The following CTCF variants were observed in gnomAD, a reference collection of about 807,000 sequenced individuals.
The protein encoded by CTCF is CCCTC-binding factor.
Under a neutral mutation model 72.3 loss-of-function variants are expected in CTCF, and 7 were observed. That is an observed-to-expected ratio of 0.10 (90% confidence interval 0.06 to 0.18). CTCF has a LOEUF of 0.18. CTCF is among the 10% of genes least tolerant of loss of function. CTCF has a pLI of 1.00. For missense variants in CTCF, 516 were observed against 949.1 expected (o/e 0.54, Z 6.00); for synonymous variants, 374 against 315.8 (o/e 1.18, Z -1.95).
At chr16:67,576,550 G>GTT (rs35771667) in intron 2 of CTCF, among the ~76,000 whole-genome samples, 2,135 of 108,184 alleles carry the variant, frequency 0.02, 130 homozygotes, top group African/African-American at 0.044. Context: ...ATAATAGAAT[G>GTT]TTTTTTTTTT....
chr16:67,583,141 C>T (rs1456343160), intron 2 of CTCF, among the ~76,000 whole-genome samples: 3 of 151,708 alleles, frequency 2.0e-5, no homozygotes, highest in South Asian at 2.1e-4. Flanking sequence ...CCAACTACCA[C>T]GCCTGGCTAA....
chr16:67,619,821 C>T (rs938446022), intron 5 of CTCF, among the ~76,000 whole-genome samples: 1 of 152,038 alleles, frequency 6.6e-6, no homozygotes, highest in Non-Finnish European at 1.5e-5. Flanking sequence ...TGACCTCAAG[C>T]AATCGCACGC....
intron 2 of CTCF, among the ~76,000 whole-genome samples, chr16:67,592,418 A>T (rs1465238483): frequency 1.3e-5 from 2 of 151,948 alleles, no homozygotes; most frequent in East Asian, 1.9e-4. Flanking sequence ...CTAAAAAAAT[A>T]AATAAGGCCA....
chr16:67,633,814 A>ACTCTCACT (rs1555536502), intron 10 of CTCF, among the ~76,000 whole-genome samples: 1 of 147,976 alleles, frequency 6.8e-6, no homozygotes, highest in Non-Finnish European at 1.5e-5. Context: ...ACACACACAC[A>ACTCTCACT]CTCTCACTCA....
At chr16:67,574,993 C>G (rs1280523710) in intron 2 of CTCF, among the ~76,000 whole-genome samples, 1 of 152,186 alleles carries the variant, frequency 6.6e-6, no homozygotes, top group East Asian at 1.9e-4. Flanking sequence ...TTTACAATTA[C>G]TAAGTATTGT....
rs140290761 is a variant in CTCF, at chr16:67,629,814, G to A, written c.1837+281G>A. The stretch of plus-strand genomic sequence containing the variant: ...TTTTGAGACGGAGTCTCGCTCTGTC[G>A]CCCAGGCTGGAGTGCACTGGCGCGA... On this transcript the variant is annotated intron_variant, in intron 10 of 11. Transcript: ENST00000264010. Among the ~76,000 whole-genome samples the A allele has an allele frequency of 0.053, 5,808 of 109,452 alleles. 444 individuals are homozygous for A. Among genetic ancestry groups the A allele is most frequent in the African/African-American group, 0.18 (5,123 of 29,116 alleles). 71.8% of individuals were successfully genotyped at this position (109,452 alleles called of 152,430 possible). A position where few individuals can be genotyped will look rare whatever the true frequency, so the allele number is the denominator to read the frequency against.
At chr16:67,572,195 TC>T (rs1230813136) in intron 2 of CTCF, among the ~76,000 whole-genome samples, 1 of 152,174 alleles carries the variant, frequency 6.6e-6, no homozygotes, top group Non-Finnish European at 1.5e-5. Flanking sequence ...CTGTTATTCT[TC>T]AAACCTTTAT....
At chr16:67,634,614 C>T (rs1342364829) in intron 10 of CTCF, among the ~76,000 whole-genome samples, 1 of 150,290 alleles carries the variant, frequency 6.7e-6, no homozygotes, top group Non-Finnish European at 1.5e-5. Flanking sequence ...ACCTCCCTGG[C>T]TTAAGCAGGC....
chr16:67,599,382 G>A (rs777389853), intron 2 of CTCF, among the ~76,000 whole-genome samples: 1 of 152,108 alleles, frequency 6.6e-6, no homozygotes, highest in Non-Finnish European at 1.5e-5. Flanking sequence ...GCAACAGAAC[G>A]AGAATCTGTC....
chr16:67,631,139 T>C (rs966590543), intron 10 of CTCF, among the ~76,000 whole-genome samples: 6 of 151,614 alleles, frequency 4.0e-5, no homozygotes, highest in Non-Finnish European at 8.8e-5. Context: ...ATTGGGCTTT[T>C]TTTGTTCTTT....
intron 2 of CTCF, among the ~76,000 whole-genome samples, chr16:67,586,803 G>T (rs1213237086): frequency 2.0e-5 from 3 of 151,420 alleles, no homozygotes; most frequent in South Asian, 2.1e-4. Flanking sequence ...GTTGTTTTGG[G>T]TTTTTTTTGA....
intron 2 of CTCF, among the ~76,000 whole-genome samples, chr16:67,610,398 G>A (rs2052046382): frequency 2.3e-5 from 3 of 128,760 alleles, no homozygotes; most frequent in South Asian, 2.7e-4. Flanking sequence ...TGTCCCCCAC[G>A]CTGGAGCGCA....
intron 8 of CTCF, 76 bp downstream of exon 8, chr16:67,626,791 C>A: frequency 1.9e-6 from 2 of 1,072,588 alleles, no homozygotes; most frequent in Non-Finnish European, 2.5e-6. Flanking sequence ...ATATCTAGTA[C>A]AGTGGCTGTT....
intron 4 of CTCF, 106 bp from the exon 5 acceptor site, chr16:67,616,639 G>T: frequency 1.5e-6 from 2 of 1,292,548 alleles, no homozygotes; most frequent in Non-Finnish European, 2.2e-6. Context: ...GCAGTTGATG[G>T]GATGAATAGG....
chr16:67,631,331 G>A (rs961347358), intron 10 of CTCF, among the ~76,000 whole-genome samples: 2 of 151,762 alleles, frequency 1.3e-5, no homozygotes, highest in East Asian at 1.9e-4. Flanking sequence ...CACCCTATTA[G>A]TTTTTGTATT....
intron 2 of CTCF, among the ~76,000 whole-genome samples, chr16:67,592,747 G>A (rs970097696): frequency 1.3e-5 from 2 of 151,278 alleles, no homozygotes; most frequent in African/African-American, 4.9e-5. Context: ...GAGGCCAGGC[G>A]TTGGTGACTG....
intron 2 of CTCF, among the ~76,000 whole-genome samples, chr16:67,584,627 GTCT>G (rs1472867038): frequency 6.6e-6 from 1 of 151,590 alleles, no homozygotes; most frequent in Non-Finnish European, 1.5e-5. Flanking sequence ...CATCTGGCCA[GTCT>G]TCTTTTTTTT....
At chr16:67,571,425 T>G (rs367657072) in intron 2 of CTCF, among the ~76,000 whole-genome samples, 161 bp downstream of exon 2, 2 of 152,190 alleles carry the variant, frequency 1.3e-5, no homozygotes, top group African/African-American at 4.8e-5. Context: ...TTGAAACTCT[T>G]TACGATGATA....
chr16:67,593,026 GA>G (rs57613821), intron 2 of CTCF, among the ~76,000 whole-genome samples: 7 of 146,352 alleles, frequency 4.8e-5, no homozygotes, highest in African/African-American at 1.2e-4. Context: ...ACTCCATCTG[GA>G]AAAAAAAAAT....
Sources: gnomAD v4.1 joint callset for allele counts (sites outside exome capture counted in the v4.1 genomes callset) on GRCh38, gnomAD v4.1.1 for gene constraint, MANE v1.5 for transcripts, NCBI Gene and HGNC (gene_info 2026-07-23, HGNC 2026-07-21) for gene names.